CDC42BPA: variants seen among roughly 807,000 people sequenced by gnomAD.
CDC42BPA encodes the protein serine/threonine-protein kinase MRCK alpha.
CDC42BPA carries 80 observed loss-of-function variants against 223.5 expected under a neutral mutation model. That is an observed-to-expected ratio of 0.36 (90% CI 0.30 to 0.43). The LOEUF (loss-of-function observed/expected upper bound fraction) is 0.43, where lower values mean the gene tolerates loss of function less well. Ranked by LOEUF, CDC42BPA falls within the 20% of genes least tolerant of loss-of-function variation. CDC42BPA has a pLI of 1.00. For missense variants in CDC42BPA, 1,743 were observed against 2,099.9 expected (o/e 0.83, Z 3.32); for synonymous variants, 694 against 718.6 (o/e 0.97, Z 0.55).
intron 22 of CDC42BPA, among the ~76,000 whole-genome samples, chr1:227,048,833 T>G (rs1381413366): frequency 6.6e-6 from 1 of 151,362 alleles, no homozygotes; most frequent in African/African-American, 2.4e-5. Flanking sequence ...AACGCTAGTC[T>G]TTGTATAAAG....
At chr1:227,104,125 T>C (rs1685504179) in intron 14 of CDC42BPA, among the ~76,000 whole-genome samples, 1 of 152,078 alleles carries the variant, frequency 6.6e-6, no homozygotes, top group African/African-American at 2.4e-5. Context: ...AGAGAATTTA[T>C]GAACAGAAAA....
rs185610259 is a variant in CDC42BPA, at chr1:227,114,119, T to A, written c.1648-1206A>T. ...TCTACATTTATGAATCAAGAAAAAA[T>A]TTAGAAAACCCAAACCAGAAGTGTT... On this transcript the variant is annotated intron_variant, in intron 12 of 36. Transcript: ENST00000366766. Among the ~76,000 whole-genome samples the A allele has an allele frequency of 1.9e-3, 293 of 150,408 alleles. 2 individuals are homozygous for A. Among genetic ancestry groups the A allele is most frequent in the African/African-American group, 6.8e-3 (276 of 40,876 alleles).
intron 2 of CDC42BPA, among the ~76,000 whole-genome samples, chr1:227,223,236 C>T (rs1035377261): frequency 6.6e-6 from 1 of 152,016 alleles, no homozygotes; most frequent in Admixed American, 6.6e-5. Flanking sequence ...GAAGTAGGGA[C>T]AGCATAAGCA....
At chr1:227,162,869 T>TGTGTGTGTGC (rs1664193875) in intron 5 of CDC42BPA, among the ~76,000 whole-genome samples, 1 of 72,858 alleles carries the variant, frequency 1.4e-5, no homozygotes, top group Non-Finnish European at 3.3e-5. Flanking sequence ...TAAATATATA[T>TGTGTGTGTGC]GTGTGTGTGT....
At chr1:227,274,151 A>C (rs1686527808) in intron 1 of CDC42BPA, among the ~76,000 whole-genome samples, 1 of 152,070 alleles carries the variant, frequency 6.6e-6, no homozygotes, top group African/African-American at 2.4e-5. Context: ...AAAAGTTAAC[A>C]ATATACAGTT....
Position 227,026,049 on chromosome 1 carries a change from A to T in CDC42BPA, c.4530+6T>A. 6.5e-7 allele frequency: 1 copy of T among 1,528,450 alleles called. No individual in the cohort carries two copies. The highest frequency in any genetic ancestry group is 1.1e-5 in the South Asian group (1 of 87,978). The allele number at this position is 1,528,450 out of a possible 1,614,324, so 94.7% of individuals were successfully genotyped here. On this transcript the variant is annotated splice_donor_region_variant and intron_variant, in intron 31 of 36. Transcript: ENST00000366766. ...TGGCTTAGCCCACATTTTAATGTTA[A>T]ATTACCTTTTTGAGAGGAAGAGTCT...
intron 6 of CDC42BPA, among the ~76,000 whole-genome samples, chr1:227,154,501 C>T (rs1236812848): frequency 6.6e-6 from 1 of 151,702 alleles, no homozygotes; most frequent in Non-Finnish European, 1.5e-5. Context: ...CTATTTTAAA[C>T]CGATAAAAAA....
At chr1:227,278,321 T>G (rs1297626689) in intron 1 of CDC42BPA, among the ~76,000 whole-genome samples, 1 of 152,172 alleles carries the variant, frequency 6.6e-6, no homozygotes, top group Non-Finnish European at 1.5e-5. Context: ...ATTGCGTATG[T>G]GCTTTAAATA....
intron 5 of CDC42BPA, among the ~76,000 whole-genome samples, chr1:227,163,742 A>AT (rs1281173787): frequency 0.01 from 1,464 of 142,656 alleles, 25 homozygotes; most frequent in African/African-American, 0.032. Context: ...AAAAAAAAAA[A>AT]ATATATATAT....
At chr1:227,046,006 A>T (rs2148819455) in intron 23 of CDC42BPA, among the ~76,000 whole-genome samples, 1 of 152,148 alleles carries the variant, frequency 6.6e-6, no homozygotes, top group Non-Finnish European at 1.5e-5. Context: ...GGGTTTTGCC[A>T]TGCTGCCCAG....
chr1:227,192,169 A>C (rs1042060198), intron 5 of CDC42BPA, among the ~76,000 whole-genome samples: 2 of 152,232 alleles, frequency 1.3e-5, no homozygotes, highest in African/African-American at 4.8e-5. Flanking sequence ...AATTAAATGA[A>C]ACAGCAATTA....
At chr1:227,172,743 T>C (rs1438592580) in intron 5 of CDC42BPA, among the ~76,000 whole-genome samples, 2 of 152,144 alleles carry the variant, frequency 1.3e-5, no homozygotes, top group African/African-American at 4.8e-5. Flanking sequence ...TCCAAACTTA[T>C]TTCAAAATAA....
chr1:226,999,637 G>A (rs142048714), intron 35 of CDC42BPA, among the ~76,000 whole-genome samples: 1 of 152,094 alleles, frequency 6.6e-6, no homozygotes, highest in Non-Finnish European at 1.5e-5. Context: ...CTACTATAAA[G>A]ACACATGCAC....
In CDC42BPA at chr1:227,139,708, C is replaced by A; in HGVS notation, c.1258G>T (p.Ala420Ser). ...LSDRSCLRVTAGPTSLDLDVN... is the reference protein window; with the variant it reads ...LSDRSCLRVTSGPTSLDLDVN... ...TCAAGATCCAGTGAGGTGGGACCAG[C>A]CGTAACTCTTAAACAGCTCCGATCA... The change falls in exon 10 of 37, where the codon GCT becomes TCT. Residue 420 changes from alanine to serine, a missense_variant. Physicochemically the swap from Ala to Ser is moderately conservative, Grantham distance 99 (BLOSUM62 1). Around this residue, in one of 6 missense-constraint regions of CDC42BPA, gnomAD observed 464 missense variants for 488.0 expected, o/e 0.95. Coordinates refer to ENST00000366766, the MANE Select transcript of CDC42BPA (RefSeq NM_001394014.1). 1 of 1,597,396 alleles carries A rather than the reference C, an allele frequency of 6.3e-7. No individual in the cohort carries two copies. The highest frequency in any genetic ancestry group is 1.8e-5 in the Admixed American group (1 of 57,140).
At chr1:227,272,274 TA>T (rs1686082905) in intron 1 of CDC42BPA, among the ~76,000 whole-genome samples, 1 of 152,164 alleles carries the variant, frequency 6.6e-6, no homozygotes, top group South Asian at 2.1e-4. Flanking sequence ...ATAGACAATC[TA>T]AAAGTAACCT....
At chr1:227,140,007 T>A (rs947119749) in intron 9 of CDC42BPA, among the ~76,000 whole-genome samples, 6 of 152,156 alleles carry the variant, frequency 3.9e-5, no homozygotes, top group African/African-American at 1.2e-4. Context: ...ATTATGATTT[T>A]AAAAACCCCA....
At chr1:227,024,689 ATATAT>A (rs2148594384) in intron 31 of CDC42BPA, among the ~76,000 whole-genome samples, 1 of 152,306 alleles carries the variant, frequency 6.6e-6, no homozygotes, top group East Asian at 1.9e-4. Flanking sequence ...GAAAATGACT[ATATAT>A]TATAACATTT....
At chr1:227,103,875 A>G (rs897506148) in intron 14 of CDC42BPA, among the ~76,000 whole-genome samples, 8 of 152,128 alleles carry the variant, frequency 5.3e-5, no homozygotes, top group African/African-American at 1.9e-4. Flanking sequence ...AGAATTAAAT[A>G]CTTATCAAAA....
chr1:227,270,599 T>C (rs1685798298), intron 1 of CDC42BPA, among the ~76,000 whole-genome samples: 1 of 152,206 alleles, frequency 6.6e-6, no homozygotes, highest in Admixed American at 6.5e-5. Context: ...ACATAAAATA[T>C]GCCATTTTAA....
Sources: allele counts gnomAD v4.1 joint callset (sites outside exome capture counted in the v4.1 genomes callset), GRCh38; gene constraint gnomAD v4.1.1; regional missense constraint gnomAD v4.1.1; transcripts MANE v1.5; gene names NCBI Gene and HGNC (gene_info 2026-07-23, HGNC 2026-07-21).